RNGTT: variants seen among roughly 807,000 people sequenced by gnomAD.
RNGTT encodes the protein mRNA-capping enzyme.
Under a neutral mutation model 79.3 loss-of-function variants are expected in RNGTT, and 33 were observed. The ratio of observed to expected loss-of-function variants is 0.42; its 90% confidence interval spans 0.32 to 0.56. The LOEUF (loss-of-function observed/expected upper bound fraction) is 0.56, where lower values mean the gene tolerates loss of function less well. Ranked by LOEUF, RNGTT falls within the 20% of genes least tolerant of loss-of-function variation. RNGTT has a pLI of 0.17. For synonymous variants in RNGTT, 222 were observed against 235.9 expected (o/e 0.94, Z 0.54); for missense variants, 497 against 739.1 (o/e 0.67, Z 3.80).
intron 2 of RNGTT, among the ~76,000 whole-genome samples, chr6:88,929,980 G>A (rs1046846662): frequency 2.2e-5 from 3 of 139,362 alleles, no homozygotes; most frequent in Non-Finnish European, 4.8e-5. Context: ...ACATGCATAT[G>A]TGCATATACA....
chr6:88,698,983 G>C (rs2756361), intron 13 of RNGTT, among the ~76,000 whole-genome samples: 40,537 of 152,078 alleles, frequency 0.27, 9,462 homozygotes, highest in African/African-American at 0.63. Context: ...GTCTTAAAAT[G>C]ATGAGTATAA....
At chr6:88,644,235 T>C (rs1464730648) in intron 14 of RNGTT, among the ~76,000 whole-genome samples, 2 of 151,982 alleles carry the variant, frequency 1.3e-5, no homozygotes, top group Non-Finnish European at 2.9e-5. Flanking sequence ...TCTATGAAAA[T>C]AAACTAGAAA....
In RNGTT at chr6:88,709,975, A is replaced by T. The variant is rs541408306; in HGVS notation, c.1440-31556T>A. Among the ~76,000 whole-genome samples the T allele has an allele frequency of 1.1e-3, 168 of 152,236 alleles. 1 individual carries two copies. The highest frequency in any genetic ancestry group is 9.7e-4 in the Non-Finnish European group (66 of 68,034). On this transcript the variant is annotated intron_variant, in intron 13 of 15. Coordinates refer to ENST00000369485, the MANE Select transcript of RNGTT (RefSeq NM_003800.5). The stretch of plus-strand genomic sequence containing the variant: ...GTATTGTTTGTATATAAACAAATGC[A>T]ATTGAAATTGCTTAATGATTCTTTG...
intron 1 of RNGTT, among the ~76,000 whole-genome samples, chr6:88,946,559 T>C (rs1017864147): frequency 6.6e-6 from 1 of 152,108 alleles, no homozygotes; most frequent in Non-Finnish European, 1.5e-5. Context: ...AGCCCAGATA[T>C]GCCAAAAGCT....
At chr6:88,769,062 T>A (rs1362488496) in intron 13 of RNGTT, among the ~76,000 whole-genome samples, 3 of 152,204 alleles carry the variant, frequency 2.0e-5, no homozygotes, top group Non-Finnish European at 4.4e-5. Context: ...ATATCTTATA[T>A]CTAGATCTAT....
At position 88,854,755 on chromosome 6, in the gene RNGTT, T is replaced by A. The variant is rs79915429; in HGVS notation, c.897-991A>T. On this transcript the variant is annotated intron_variant, in intron 8 of 15. Coordinates refer to ENST00000369485, the MANE Select transcript of RNGTT (RefSeq NM_003800.5). Reference sequence around the variant, plus strand: ...TCAACATATGGGGGAATTCATACACTTAACAACCTGTCATTCTTCAAATGG... The same window carrying A: ...TCAACATATGGGGGAATTCATACACATAACAACCTGTCATTCTTCAAATGG... Among the ~76,000 whole-genome samples the A allele has an allele frequency of 7.7e-3, 1,170 of 152,360 alleles. 6 individuals are homozygous for A. The highest frequency in any genetic ancestry group is 0.014 in the Middle Eastern group (4 of 294).
intron 9 of RNGTT, among the ~76,000 whole-genome samples, chr6:88,850,766 T>C (rs557857949): frequency 6.6e-6 from 1 of 152,146 alleles, no homozygotes; most frequent in African/African-American, 2.4e-5. Flanking sequence ...CAGAGTATAT[T>C]TTCCAGCAGG....
chr6:88,860,280 T>C (rs1781969344), intron 8 of RNGTT, among the ~76,000 whole-genome samples: 1 of 152,230 alleles, frequency 6.6e-6, no homozygotes, highest in South Asian at 2.1e-4. Context: ...GCATATTTAC[T>C]GAGCCATGGG....
rs534494434 is a variant in RNGTT at position 88,695,506 on chromosome 6, C to A, written c.1440-17087G>T. 1.2e-3 allele frequency among the ~76,000 whole-genome samples: 176 copies of A among 152,148 alleles called. 1 individual carries two copies. Among genetic ancestry groups the A allele is most frequent in the African/African-American group, 4.2e-3 (173 of 41,524 alleles). On this transcript the variant is annotated intron_variant, in intron 13 of 15. Transcript: ENST00000369485. ...ACATTTTCAAAATGACAAAAGATAACCAGTTTTTGCAAGGAAAAAAGAAAC... is the reference window on the plus strand; with the variant it reads ...ACATTTTCAAAATGACAAAAGATAAACAGTTTTTGCAAGGAAAAAAGAAAC...
chr6:88,647,801 A>G (rs1179556374), intron 14 of RNGTT, among the ~76,000 whole-genome samples: 1 of 151,634 alleles, frequency 6.6e-6, no homozygotes, highest in Non-Finnish European at 1.5e-5. Flanking sequence ...AAACTTAACC[A>G]ATCAATCTGT....
intron 6 of RNGTT, among the ~76,000 whole-genome samples, chr6:88,901,495 C>CATTTTTTTTTTTTTTTT (rs1783458450): frequency 1.5e-5 from 1 of 65,776 alleles, no homozygotes; most frequent in African/African-American, 7.1e-5. Context: ...GCACCCTGAT[C>CATTTTTTTTTTTTTTTT]TTTTTTTTTT....
intron 13 of RNGTT, among the ~76,000 whole-genome samples, chr6:88,688,893 T>C (rs539733161): frequency 6.6e-6 from 1 of 152,328 alleles, no homozygotes; most frequent in South Asian, 2.1e-4. Context: ...GTCTAATGAA[T>C]AGCATATTTA....
At chr6:88,875,827 A>G (rs895290117) in intron 8 of RNGTT, among the ~76,000 whole-genome samples, 1 of 152,218 alleles carries the variant, frequency 6.6e-6, no homozygotes, top group South Asian at 2.1e-4. Flanking sequence ...AGCAATTTTA[A>G]AATTCATTTT....
At chr6:88,660,519 T>C (rs1170913431) in intron 14 of RNGTT, among the ~76,000 whole-genome samples, 1 of 140,980 alleles carries the variant, frequency 7.1e-6, no homozygotes, top group African/African-American at 3.0e-5. Context: ...ATTCTTATAT[T>C]AGACAAAACA....
At chr6:88,768,614 T>G (rs1428699144) in intron 13 of RNGTT, among the ~76,000 whole-genome samples, 1 of 152,218 alleles carries the variant, frequency 6.6e-6, no homozygotes, top group Non-Finnish European at 1.5e-5. Context: ...GTGCTTTACC[T>G]TTGATAAGTA....
intron 4 of RNGTT, among the ~76,000 whole-genome samples, chr6:88,919,129 T>C (rs1347337053): frequency 6.6e-6 from 1 of 152,208 alleles, no homozygotes. Flanking sequence ...GATTATGTAT[T>C]TGATATTAAA....
At chr6:88,903,474 G>A (rs1362625753) in intron 6 of RNGTT, among the ~76,000 whole-genome samples, 1 of 152,134 alleles carries the variant, frequency 6.6e-6, no homozygotes, top group African/African-American at 2.4e-5. Context: ...ATGTGACTCA[G>A]TAATTTCAGA....
intron 12 of RNGTT, among the ~76,000 whole-genome samples, chr6:88,781,004 A>C (rs2127849049): frequency 6.6e-6 from 1 of 152,298 alleles, no homozygotes. Context: ...CTAGTGGTTA[A>C]AGGCTAGATA....
At chr6:88,891,707 C>T (rs1582589971) in intron 7 of RNGTT, 99 bp downstream of exon 7, 1 of 664,792 alleles carries the variant, frequency 1.5e-6, no homozygotes, top group African/African-American at 1.9e-5. Flanking sequence ...CTATTGCAAA[C>T]ATACTAACTT....
Sources: gnomAD v4.1 joint callset for allele counts (sites outside exome capture counted in the v4.1 genomes callset) on GRCh38, gnomAD v4.1.1 for gene constraint, MANE v1.5 for transcripts, NCBI Gene and HGNC (gene_info 2026-07-23, HGNC 2026-07-21) for gene names.